Variants in FMNL2 observed in about 807,000 individuals in gnomAD.
The protein encoded by FMNL2 is formin like 2.
Under a neutral mutation model 130.2 loss-of-function variants are expected in FMNL2, and 51 were observed. That is an observed-to-expected ratio of 0.39 (90% CI 0.31 to 0.49). The LOEUF is 0.49. Among genes scored for constraint, FMNL2 ranks in the 20% least tolerant of loss-of-function variants. The pLI, the probability that FMNL2 is intolerant of heterozygous loss-of-function variation, is 0.85. For synonymous variants in FMNL2, 465 were observed against 467.1 expected, an observed-to-expected ratio of 1.00 and a Z score of 0.06; for missense variants, 977 against 1,316.2, an observed-to-expected ratio of 0.74 and a Z score of 3.99.
chr2:152,420,182 G>C (rs1686833992), intron 1 of FMNL2, among the ~76,000 whole-genome samples: 1 of 152,178 alleles, frequency 6.6e-6, no homozygotes, highest in Admixed American at 6.5e-5. Flanking sequence ...GTAAACACCA[G>C]AGTATTTAAA....
intron 1 of FMNL2, among the ~76,000 whole-genome samples, chr2:152,458,665 C>G (rs766019683): frequency 6.6e-6 from 1 of 152,156 alleles, no homozygotes; most frequent in Non-Finnish European, 1.5e-5. Flanking sequence ...CTCAGAGACA[C>G]TGATTACATG....
intron 1 of FMNL2, among the ~76,000 whole-genome samples, chr2:152,415,934 T>C (rs16831068): frequency 0.3 from 45,644 of 152,044 alleles, 7,349 homozygotes; most frequent in Middle Eastern, 0.44. Context: ...TTTATCCAGA[T>C]AAGTGCAAGA....
intron 1 of FMNL2, among the ~76,000 whole-genome samples, chr2:152,448,068 A>G (rs1044160138): frequency 6.6e-6 from 1 of 152,118 alleles, no homozygotes; most frequent in African/African-American, 2.4e-5. Flanking sequence ...GGTTGAACTC[A>G]TGGTCATAGA....
At chr2:152,592,071 C>G (rs759433144) in intron 9 of FMNL2, among the ~76,000 whole-genome samples, 1 of 152,196 alleles carries the variant, frequency 6.6e-6, no homozygotes, top group South Asian at 2.1e-4. Context: ...CCACTGCACT[C>G]CAGCCTGGTG....
At chr2:152,435,593 A>G (rs1057117849) in intron 1 of FMNL2, among the ~76,000 whole-genome samples, 8 of 152,022 alleles carry the variant, frequency 5.3e-5, no homozygotes, top group Non-Finnish European at 1.0e-4. Context: ...CTGAAAAAAA[A>G]AAAAGCCCTC....
At chr2:152,554,561 A>G (rs753701459) in intron 4 of FMNL2, among the ~76,000 whole-genome samples, 3 of 152,240 alleles carry the variant, frequency 2.0e-5, no homozygotes, top group Non-Finnish European at 4.4e-5. Context: ...TCCCTTTACA[A>G]TGTTTTTAAA....
chr2:152,479,115 T>G (rs13027160), intron 1 of FMNL2, among the ~76,000 whole-genome samples: 6,618 of 152,212 alleles, frequency 0.043, 475 homozygotes, highest in African/African-American at 0.15. Context: ...ACAGTTTTTT[T>G]TTGTTGTTGT....
At chr2:152,424,230 A>G (rs949440827) in intron 1 of FMNL2, among the ~76,000 whole-genome samples, 1 of 152,154 alleles carries the variant, frequency 6.6e-6, no homozygotes, top group Non-Finnish European at 1.5e-5. Flanking sequence ...GGTGGTACAC[A>G]TGAAGGAACC....
intron 2 of FMNL2, among the ~76,000 whole-genome samples, chr2:152,525,129 C>T (rs1290053419): frequency 6.6e-6 from 1 of 152,194 alleles, no homozygotes; most frequent in African/African-American, 2.4e-5. Flanking sequence ...TGTTTCCAAA[C>T]TCTACTCACA....
chr2:152,439,383 T>A (rs886583545), intron 1 of FMNL2, among the ~76,000 whole-genome samples: 2 of 152,076 alleles, frequency 1.3e-5, no homozygotes, highest in Non-Finnish European at 2.9e-5. Context: ...AGAAGACAAG[T>A]TTTGTTGGAT....
chr2:152,494,562 C>A (rs568210198), intron 1 of FMNL2, among the ~76,000 whole-genome samples: 1 of 152,122 alleles, frequency 6.6e-6, no homozygotes, highest in East Asian at 1.9e-4. Context: ...TAAACTGCTA[C>A]GAGTTTCTCT....
chr2:152,568,218 G>GGTTTTTTTTTTTT (rs1270152711), intron 6 of FMNL2, among the ~76,000 whole-genome samples: 1 of 34,860 alleles, frequency 2.9e-5, no homozygotes, highest in African/African-American at 8.4e-5. Flanking sequence ...ATTTTGGTGG[G>GGTTTTTTTTTTTT]TTTTTTTTTT....
At chr2:152,554,909 G>GT (rs1695124523) in intron 4 of FMNL2, among the ~76,000 whole-genome samples, 1 of 152,176 alleles carries the variant, frequency 6.6e-6, no homozygotes, top group Non-Finnish European at 1.5e-5. Flanking sequence ...ACTTGAGCAG[G>GT]TAGCAGAAGT....
At chr2:152,402,999 T>C (rs4538152) in intron 1 of FMNL2, among the ~76,000 whole-genome samples, 97,226 of 151,928 alleles carry the variant, frequency 0.64, 32,379 homozygotes, top group Non-Finnish European at 0.75. Flanking sequence ...TTTTTGATGA[T>C]CTTGACAGTT....
rs1479856191 is a variant in FMNL2, at chr2:152,578,907, T to C, written c.725T>C (p.Met242Thr). 1 of 1,613,128 alleles carries C rather than the reference T, an allele frequency of 6.2e-7. No homozygotes were observed. The highest frequency in any genetic ancestry group is 8.5e-7 in the Non-Finnish European group (1 of 1,179,556). ...MNYQYGFNMV[M>T]SHPHAVNEIA... ...TTTTAGTATGGTTTCAACATGGTCA[T>C]GTCTCATCCACACGCTGTCAATGAG... Residue 242 changes from methionine to threonine, a missense_variant, in exon 8 of 26, where the codon ATG becomes ACG. Around this residue, in one of 4 missense-constraint regions of FMNL2, gnomAD observed 689 missense variants for 995.9 expected, o/e 0.69. Coordinates refer to ENST00000288670, the MANE Select transcript of FMNL2 (RefSeq NM_052905.4).
chr2:152,645,083 AG>A (rs1442259004), intron 25 of FMNL2, among the ~76,000 whole-genome samples: 1 of 152,082 alleles, frequency 6.6e-6, no homozygotes, highest in African/African-American at 2.4e-5. Flanking sequence ...CAAAGGACAT[AG>A]AGTGTCATTG....
chr2:152,463,828 TTG>T (rs2105140855), intron 1 of FMNL2, among the ~76,000 whole-genome samples: 1 of 152,352 alleles, frequency 6.6e-6, no homozygotes, highest in South Asian at 2.1e-4. Context: ...GAATTGAATG[TTG>T]TTTTTTTTTC....
intron 15 of FMNL2, among the ~76,000 whole-genome samples, chr2:152,623,157 G>A (rs575473636): frequency 2.6e-5 from 4 of 152,284 alleles, no homozygotes; most frequent in Admixed American, 6.5e-5. Flanking sequence ...AACTTCTAGC[G>A]AGCGTCATGA....
At chr2:152,543,719 A>AC (rs1200138765) in intron 3 of FMNL2, among the ~76,000 whole-genome samples, 1 of 52,224 alleles carries the variant, frequency 1.9e-5, no homozygotes, top group Admixed American at 2.8e-4. Context: ...CTCACCGCCC[A>AC]CCCCCCGACC....
Sources: gnomAD v4.1 joint callset for allele counts (sites outside exome capture counted in the v4.1 genomes callset) on GRCh38, gnomAD v4.1.1 for gene constraint, gnomAD v4.1.1 regional missense constraint, MANE v1.5 for transcripts, NCBI Gene and HGNC (gene_info 2026-07-23, HGNC 2026-07-21) for gene names.